Variants in MAU2 observed in about 807,000 individuals in gnomAD.
MAU2 encodes the protein MAU2 chromatid cohesion factor homolog.
Under a neutral mutation model 89.1 loss-of-function variants are expected in MAU2, and 9 were observed. That is an observed-to-expected ratio of 0.10 (90% CI 0.06 to 0.18). The LOEUF is 0.18. Ranked by LOEUF, MAU2 falls within the 10% of genes least tolerant of loss-of-function variation. The pLI is 1.00. For synonymous variants in MAU2, 357 were observed against 343.4 expected (o/e 1.04, Z -0.44); for missense variants, 425 against 803.5 (o/e 0.53, Z 5.69).
Position 19,355,880 on chromosome 19 carries a change from A to C in MAU2, c.*98A>C, listed in dbSNP as rs747488586. On this transcript the variant is annotated 3_prime_UTR_variant, in exon 19 of 19. Transcript: ENST00000262815. ...GCCCCCGAGGCGTGCTTCCTTCCTG[A>C]TTGTCTCTAGAGCTTCCAAGTCCTG... The C allele has an allele frequency of 8.6e-7, 1 of 1,164,146 alleles. No individual in the cohort carries two copies. The highest frequency in any genetic ancestry group is 1.3e-6 in the Non-Finnish European group (1 of 786,724). The allele number at this position is 1,164,146 out of a possible 1,614,324, so 72.1% of individuals were successfully genotyped here.
At chr19:19,334,354 G>A (rs965441402) in intron 1 of MAU2, 1 of 985,644 alleles carries the variant, frequency 1.0e-6, no homozygotes, top group African/African-American at 1.7e-5. Flanking sequence ...ATGTGTGTCA[G>A]GGGCTCGGGC....
intron 7 of MAU2, among the ~76,000 whole-genome samples, chr19:19,341,871 G>T (rs2061650794): frequency 4.6e-5 from 7 of 152,150 alleles, no homozygotes; most frequent in Admixed American, 4.6e-4. Context: ...CTGTGTTTGA[G>T]CTCCTTGTCT....
chr19:19,348,639 C>T (rs2061714887), intron 13 of MAU2: 3 of 617,630 alleles, frequency 4.9e-6, no homozygotes, highest in East Asian at 2.8e-5. Flanking sequence ...ATACAAAGGC[C>T]TTCTGGACGC....
At chr19:19,347,528 G>A in intron 13 of MAU2, 162 bp downstream of exon 13, 1 of 605,692 alleles carries the variant, frequency 1.7e-6, no homozygotes, top group Non-Finnish European at 3.0e-6. Context: ...CGACCCAGAG[G>A]TGAATCGGGC....
intron 12 of MAU2, chr19:19,347,064 T>G: frequency 1.9e-6 from 1 of 537,422 alleles, no homozygotes. Flanking sequence ...CTCTTCTGTG[T>G]TCTCTAACTG....
intron 1 of MAU2, among the ~76,000 whole-genome samples, chr19:19,327,567 C>T (rs1367334152): frequency 6.6e-6 from 1 of 152,096 alleles, no homozygotes; most frequent in African/African-American, 2.4e-5. Context: ...CCTCATGATC[C>T]ACCCGCCTCG....
intron 1 of MAU2, among the ~76,000 whole-genome samples, chr19:19,326,613 G>A: frequency 6.6e-6 from 1 of 150,456 alleles, no homozygotes; most frequent in Non-Finnish European, 1.5e-5. Context: ...GTGAACCCGG[G>A]CGGCGGAGCT....
At position 19,345,402 on chromosome 19, in the gene MAU2, G is replaced by A. The variant is rs750664675; in HGVS notation, c.1221+33G>A. On this transcript the variant is annotated intron_variant, in intron 12 of 18. Coordinates refer to ENST00000262815, the MANE Select transcript of MAU2 (RefSeq NM_015329.4). The surrounding 1 kb of genome is among the most constrained non-coding windows in gnomAD (Gnocchi z 4.9). ...GCCGGCCCTCCTTGCTGCTCGGGGC[G>A]GGCCACACTTCTGAGTAAGGAGTCG... 5 of 1,607,830 alleles carry A rather than the reference G, an allele frequency of 3.1e-6. No individual in the cohort carries two copies. Among genetic ancestry groups the A allele is most frequent in the African/African-American group, 1.3e-5 (1 of 74,844 alleles).
intron 1 of MAU2, among the ~76,000 whole-genome samples, chr19:19,322,734 A>C (rs1017197580): frequency 7.9e-5 from 12 of 152,130 alleles, no homozygotes; most frequent in African/African-American, 2.4e-4. Context: ...CTTGAATAGA[A>C]AATTATTGAA....
At chr19:19,349,929 G>A (rs1424339689) in intron 16 of MAU2, among the ~76,000 whole-genome samples, 1 of 149,586 alleles carries the variant, frequency 6.7e-6, no homozygotes, top group Non-Finnish European at 1.5e-5. Flanking sequence ...AGTCCTTCCT[G>A]TCAATTCCTC....
At chr19:19,340,147 A>G (rs1055311222) in intron 5 of MAU2, among the ~76,000 whole-genome samples, 11 of 149,432 alleles carry the variant, frequency 7.4e-5, no homozygotes, top group African/African-American at 2.2e-4. Context: ...CCTGGGCGAC[A>G]GAGCGAGACT....
At chr19:19,335,621 CTG>C (rs2061590141) in intron 1 of MAU2, 95 bp from the exon 2 acceptor site, 1 of 1,277,058 alleles carries the variant, frequency 7.8e-7, no homozygotes, top group Non-Finnish European at 1.1e-6. Flanking sequence ...CTGGCAGCCT[CTG>C]TTCTCAGGAC....
Position 19,339,060 on chromosome 19 carries a change from C to T in MAU2, c.551+121C>T, listed in dbSNP as rs2061619561. 5.2e-6 allele frequency: 4 copies of T among 774,990 alleles called. No individual in the cohort carries two copies. The Admixed American group carries it at 1.2e-4, about 23-fold the overall frequency. 48.0% of individuals were successfully genotyped at this position (774,990 alleles called of 1,614,324 possible). A position where few individuals can be genotyped will look rare whatever the true frequency, so the allele number is the denominator to read the frequency against. On this transcript the variant is annotated intron_variant, in intron 5 of 18. Transcript: ENST00000262815. ...GAAGTACAGTAGCTCACAGTATATT[C>T]CCAGCACTTTGGAAGGCCAAGGTAG...
At chr19:19,330,185 G>T (rs1454194033) in intron 1 of MAU2, among the ~76,000 whole-genome samples, 1 of 151,654 alleles carries the variant, frequency 6.6e-6, no homozygotes, top group African/African-American at 2.4e-5. Context: ...TTGCCATGTT[G>T]CCCAGGTTGG....
intron 1 of MAU2, among the ~76,000 whole-genome samples, chr19:19,326,832 C>T (rs1418160411): frequency 6.7e-6 from 1 of 149,386 alleles, no homozygotes; most frequent in Non-Finnish European, 1.5e-5. Flanking sequence ...GTTGAGGCTA[C>T]AGTGAGCTGT....
intron 5 of MAU2, among the ~76,000 whole-genome samples, chr19:19,339,231 C>T (rs147943208): frequency 3.3e-5 from 5 of 152,260 alleles, no homozygotes; most frequent in East Asian, 1.9e-4. Context: ...GGGAGGATCA[C>T]GAGGTCAAGA....
chr19:19,326,114 C>T (rs1208438800), intron 1 of MAU2, among the ~76,000 whole-genome samples: 1 of 151,816 alleles, frequency 6.6e-6, no homozygotes, highest in Non-Finnish European at 1.5e-5. Flanking sequence ...GATCCTCCCA[C>T]CTCAGCCTCC....
chr19:19,337,025 G>T (rs1209381902), intron 3 of MAU2, 145 bp from the exon 4 acceptor site: 1 of 623,422 alleles, frequency 1.6e-6, no homozygotes, highest in African/African-American at 1.8e-5. Flanking sequence ...TTTTAATAAA[G>T]TAAATTGGCA....
Position 19,320,877 on chromosome 19 carries a change from G to A in MAU2, c.18G>A (p.Ala6=), listed in dbSNP as rs766232444. ...AGGCCAAAATGGCGGCTCAGGCGGC[G>A]GCAGCGGCCCAGGCGGCGGCGGCCC... The part of the protein sequence containing the change: MAAQA[A]AAAQAAAAQA... The change falls in exon 1 of 19, where the codon GCG becomes GCA. Residue 6 remains alanine (A), a synonymous_variant. Coordinates refer to ENST00000262815, the MANE Select transcript of MAU2 (RefSeq NM_015329.4). The A allele has an allele frequency of 4.6e-6, 7 of 1,511,506 alleles. No individual in the cohort carries two copies. The Admixed American group carries it at 1.1e-4, about 24-fold the overall frequency. 93.6% of individuals were successfully genotyped at this position (1,511,506 alleles called of 1,614,324 possible).
Sources: gnomAD v4.1 joint callset for allele counts (sites outside exome capture counted in the v4.1 genomes callset) on GRCh38, gnomAD v4.1.1 for gene constraint, Gnocchi (gnomAD v3.1) non-coding constraint, MANE v1.5 for transcripts, NCBI Gene and HGNC (gene_info 2026-07-23, HGNC 2026-07-21) for gene names.